VPS35: variants seen among roughly 807,000 people sequenced by gnomAD.
VPS35 encodes VPS35 retromer complex component, also known as vacuolar protein sorting-associated protein 35.
A neutral mutation model predicts 98.1 loss-of-function variants in VPS35; 21 were observed. That is an observed-to-expected ratio of 0.21 (90% CI 0.15 to 0.31). VPS35 has a LOEUF of 0.31. VPS35 is among the 10% of genes least tolerant of loss of function. The pLI is 1.00. For missense variants in VPS35, 554 were observed against 950.8 expected, an observed-to-expected ratio of 0.58 and a Z score of 5.49; for synonymous variants, 268 against 318.2, an observed-to-expected ratio of 0.84 and a Z score of 1.68.
intron 2 of VPS35, 145 bp from the exon 3 acceptor site, chr16:46,682,320 A>C: frequency 1.5e-6 from 1 of 680,114 alleles, no homozygotes; most frequent in Non-Finnish European, 2.6e-6. Context: ...TTAAAAAAAC[A>C]ACTTAGATCG....
Position 46,657,010 on chromosome 16 carries a change from A to T in VPS35, c.*3462T>A, listed in dbSNP as rs1316804194. On this transcript the variant is annotated 3_prime_UTR_variant, in exon 17 of 17. Transcript: ENST00000299138. ...GACAGAGCAAGACTCCGTCTCAAAAAAATAAAATATACAGTCCCTCTCCAG... is the reference window on the plus strand; with the variant it reads ...GACAGAGCAAGACTCCGTCTCAAAATAATAAAATATACAGTCCCTCTCCAG... The T allele has an allele frequency of 6.6e-6, 1 of 152,226 alleles. No homozygotes were observed. The highest frequency in any genetic ancestry group is 1.9e-4 in the East Asian group (1 of 5,194). The allele number at this position is 152,226 out of a possible 1,614,324, so 9.4% of individuals were successfully genotyped here.
chr16:46,688,416 A>G (rs1966358285), intron 1 of VPS35: 11 of 987,126 alleles, frequency 1.1e-5, no homozygotes, highest in Non-Finnish European at 1.3e-5. Context: ...GGCCCTAAGG[A>G]GAAGTACTGC....
intron 12 of VPS35, among the ~76,000 whole-genome samples, chr16:46,671,300 G>GA (rs1269210029): frequency 4.6e-5 from 7 of 152,156 alleles, no homozygotes; most frequent in African/African-American, 1.4e-4. Context: ...ACATAGTTCA[G>GA]AAAAAATGAA....
At chr16:46,683,202 T>C in intron 2 of VPS35, 1 of 420,992 alleles carries the variant, frequency 2.4e-6, no homozygotes. Context: ...GGCTAGTAAT[T>C]CTGGTCAGAC....
At chr16:46,688,768 G>A (rs1405062210) in intron 1 of VPS35, 1 of 1,232,236 alleles carries the variant, frequency 8.1e-7, no homozygotes, top group Non-Finnish European at 1.0e-6. Context: ...CACGCGCCCC[G>A]GGGGCCAGAC....
intron 4 of VPS35, 152 bp downstream of exon 4, chr16:46,681,225 T>G: frequency 8.9e-7 from 1 of 1,125,854 alleles, no homozygotes; most frequent in Non-Finnish European, 1.3e-6. Flanking sequence ...ATCTAGTTAC[T>G]CTAAAACAAG....
chr16:46,663,300 G>A, intron 13 of VPS35, 138 bp from the exon 14 acceptor site: 1 of 764,432 alleles, frequency 1.3e-6, no homozygotes, highest in Non-Finnish European at 2.1e-6. Context: ...TCAGTTATAG[G>A]GCAAACAAGT....
intron 13 of VPS35, among the ~76,000 whole-genome samples, chr16:46,667,106 T>A (rs914270259): frequency 3.3e-5 from 5 of 152,366 alleles, no homozygotes; most frequent in Non-Finnish European, 5.9e-5. Flanking sequence ...GGTTCCCATT[T>A]CTCTACATCC....
In VPS35 at chr16:46,661,545, A is replaced by T; in HGVS notation, c.2211+173T>A. The stretch of plus-strand genomic sequence containing the variant: ...ACGCCCAGCCTAGGAATTATCTTAA[A>T]CTAGAACATTATGACAAATTAGCCT... On this transcript the variant is annotated intron_variant, in intron 16 of 16. Transcript: ENST00000299138. The surrounding 1 kb of genome is among the most constrained non-coding windows in gnomAD (Gnocchi z 4.3). 1.4e-6 allele frequency: 1 copy of T among 694,970 alleles called. No homozygotes were observed. The highest frequency in any genetic ancestry group is 2.3e-6 in the Non-Finnish European group (1 of 432,966). 43.1% of individuals were successfully genotyped at this position (694,970 alleles called of 1,614,324 possible).
At chr16:46,667,224 C>T (rs1966002806) in intron 13 of VPS35, among the ~76,000 whole-genome samples, 2 of 152,174 alleles carry the variant, frequency 1.3e-5, no homozygotes, top group Non-Finnish European at 2.9e-5. Flanking sequence ...TGATGTTGAA[C>T]ATCTGTTCAT....
Position 46,660,350 on chromosome 16 carries a change from A to G in VPS35, c.*122T>C. On this transcript the variant is annotated 3_prime_UTR_variant, in exon 17 of 17. Coordinates refer to ENST00000299138, the MANE Select transcript of VPS35 (RefSeq NM_018206.6). ...GGAGGTGCTGGGTAAAACACATCAC[A>G]GGTAAGAAATGGGAAACCTACCTCA... The G allele has an allele frequency of 8.1e-7, 1 of 1,227,168 alleles. No homozygotes were observed. The highest frequency in any genetic ancestry group is 1.2e-6 in the Non-Finnish European group (1 of 848,690). 76.0% of individuals were successfully genotyped at this position (1,227,168 alleles called of 1,614,324 possible). A position where few individuals can be genotyped will look rare whatever the true frequency, so the allele number is the denominator to read the frequency against.
chr16:46,668,718 C>T (rs1596714460), intron 13 of VPS35, among the ~76,000 whole-genome samples: 1 of 152,120 alleles, frequency 6.6e-6, no homozygotes, highest in Admixed American at 6.5e-5. Context: ...GTGCTTTTTA[C>T]GTGATCCCTC....
rs1460679820 is a variant in VPS35 at position 46,661,751 on chromosome 16, T to A, written c.2178A>T (p.Arg726Ser). 1 of 1,612,060 alleles carries A rather than the reference T, an allele frequency of 6.2e-7. No individual in the cohort carries two copies. Among genetic ancestry groups the A allele is most frequent in the Non-Finnish European group, 8.5e-7 (1 of 1,178,250 alleles). ...QVQLFIEILNRYIYFYEKEND... is the reference protein window; with the variant it reads ...QVQLFIEILNSYIYFYEKEND... ...TTTCCTTTTCATAAAAATAGATATA[T>A]CTGTTCAGAATTTCTATAAAAAGCT... Residue 726 changes from arginine to serine, a missense_variant, in exon 16 of 17, where the codon AGA becomes AGT. By Grantham distance (110) the Arg-to-Ser change is moderately radical (BLOSUM62 -1). Transcript: ENST00000299138. The surrounding 1 kb of genome is among the most constrained non-coding windows in gnomAD (Gnocchi z 4.3).
intron 1 of VPS35, among the ~76,000 whole-genome samples, chr16:46,685,997 C>A (rs988657192): frequency 3.9e-5 from 6 of 152,114 alleles, no homozygotes; most frequent in Non-Finnish European, 7.4e-5. Flanking sequence ...CACCATCTAT[C>A]TCTAAAACTT....
chr16:46,658,058 G>C lies in VPS35; in HGVS notation c.*2414C>G, dbSNP rs895322749. The C allele has an allele frequency of 6.6e-6, 1 of 152,156 alleles. No homozygotes were observed. The highest frequency in any genetic ancestry group is 1.5e-5 in the Non-Finnish European group (1 of 68,034). The allele number at this position is 152,156 out of a possible 1,614,324, so 9.4% of individuals were successfully genotyped here. On this transcript the variant is annotated 3_prime_UTR_variant, in exon 17 of 17. Coordinates refer to ENST00000299138, the MANE Select transcript of VPS35 (RefSeq NM_018206.6). ...ATTACTCTGTCAAATTGCTATAAAGGGTTTTAAATGCTAAGTCAATTTCTA... is the reference window on the plus strand; with the variant it reads ...ATTACTCTGTCAAATTGCTATAAAGCGTTTTAAATGCTAAGTCAATTTCTA...
chr16:46,670,180 T>C (rs900500666), intron 12 of VPS35, among the ~76,000 whole-genome samples: 1 of 152,240 alleles, frequency 6.6e-6, no homozygotes, highest in Admixed American at 6.5e-5. Context: ...ATTCCTGATA[T>C]GGTAGATGAA....
intron 8 of VPS35, among the ~76,000 whole-genome samples, chr16:46,675,614 T>A (rs1966137012): frequency 6.6e-6 from 1 of 152,226 alleles, no homozygotes; most frequent in African/African-American, 2.4e-5. Context: ...AAATTTGTTA[T>A]CTAAATTCTC....
chr16:46,684,431 A>C (rs1458289915), intron 1 of VPS35, among the ~76,000 whole-genome samples: 1 of 152,226 alleles, frequency 6.6e-6, no homozygotes, highest in East Asian at 1.9e-4. Context: ...CAAAATTGTT[A>C]GTGACTTACA....
At chr16:46,688,232 G>T in intron 1 of VPS35, 1 of 825,112 alleles carries the variant, frequency 1.2e-6, no homozygotes, top group Non-Finnish European at 1.5e-6. Context: ...TAATTAAAGC[G>T]GACATACAGT....
Sources: gnomAD v4.1 joint callset for allele counts (sites outside exome capture counted in the v4.1 genomes callset) on GRCh38, gnomAD v4.1.1 for gene constraint, Gnocchi (gnomAD v3.1) non-coding constraint, MANE v1.5 for transcripts, NCBI Gene and HGNC (gene_info 2026-07-23, HGNC 2026-07-21) for gene names.